The following L1CAM variants were observed in gnomAD, a reference collection of about 807,000 sequenced individuals.
The protein encoded by L1CAM is L1 cell adhesion molecule, also known as neural cell adhesion molecule L1.
Under a neutral mutation model 93.0 loss-of-function variants are expected in L1CAM, and 8 were observed. The ratio of observed to expected loss-of-function variants is 0.09; its 90% CI spans 0.05 to 0.16. The LOEUF is 0.16. L1CAM is among the 10% of genes least tolerant of loss of function. L1CAM has a pLI of 1.00. For synonymous variants in L1CAM, 453 were observed against 453.0 expected (o/e 1.00, Z 0.00); for missense variants, 777 against 1,073.4 (o/e 0.72, Z 3.86).
chrX:153,885,872 C>T, intron 1 of L1CAM, 193 bp downstream of exon 1: 2 of 818,740 alleles, frequency 2.4e-6, no homozygotes, highest in Non-Finnish European at 1.5e-6. Flanking sequence ...GCATCCCTCC[C>T]CCGCCCCGCT....
intron 1 of L1CAM, among the ~76,000 whole-genome samples, chrX:153,881,319 G>T (rs1458003380): frequency 1.2e-4 from 13 of 111,933 alleles, no homozygotes; most frequent in African/African-American, 4.2e-4. Flanking sequence ...TTTAGAGGGC[G>T]TGGTGGCTCC....
Position 153,867,523 on chromosome X carries a change from A to T in L1CAM, c.1970T>A (p.Met657Lys), listed in dbSNP as rs200670743. 4.1e-6 allele frequency: 5 copies of T among 1,211,049 alleles called. No individual in the cohort carries two copies. The highest frequency in any genetic ancestry group is 5.6e-6 in the Non-Finnish European group (5 of 894,708). ...KYDIEFEDKE[M>K]APEKWYSLGK... Reference sequence around the variant, plus strand: ...CAGACTGTACCATTTTTCAGGCGCCATTTCCTTGTCCTCAAATTCAATGTC... The same window carrying T: ...CAGACTGTACCATTTTTCAGGCGCCTTTTCCTTGTCCTCAAATTCAATGTC... Residue 657 changes from methionine (M) to lysine (K), a missense_variant, in exon 17 of 29, where the codon ATG (methionine) becomes AAG (lysine). This residue lies in a region of L1CAM where 574 missense variants were observed against 781.0 expected (regional missense o/e 0.73). Transcript: ENST00000370060.
In L1CAM at chrX:153,869,753, A is replaced by G. The variant is rs201306662; in HGVS notation, c.1123+50T>C. 5.0e-5 allele frequency: 60 copies of G among 1,205,438 alleles called. No individual in the cohort carries two copies. The African/African-American group carries it at 9.4e-4, about 19-fold the overall frequency. Reference sequence around the variant, plus strand: ...TCACCCTCCTCTTCCTCTCCCCCACAGCCCCCAGGGCTCGCCACACTCCCC... The same window carrying G: ...TCACCCTCCTCTTCCTCTCCCCCACGGCCCCCAGGGCTCGCCACACTCCCC... On this transcript the variant is annotated intron_variant, in intron 10 of 28. Transcript: ENST00000370060.
chrX:153,882,473 T>C (rs1294300729), intron 1 of L1CAM, among the ~76,000 whole-genome samples: 1 of 108,879 alleles, frequency 9.2e-6, no homozygotes, highest in Non-Finnish European at 1.9e-5. Flanking sequence ...CACACACACA[T>C]GCAACCAAAT....
intron 28 of L1CAM, 103 bp from the exon 29 acceptor site, chrX:153,862,997 A>G: frequency 1.5e-6 from 1 of 651,599 alleles, no homozygotes; most frequent in Non-Finnish European, 2.3e-6. Context: ...TTTGTTTAGA[A>G]TGCGCTCAGA....
chrX:153,875,692 A>C (rs782336390), intron 2 of L1CAM, 69 bp downstream of exon 2: 1 of 928,495 alleles, frequency 1.1e-6, no homozygotes, highest in Non-Finnish European at 1.6e-6. Context: ...GAAGGTGAGG[A>C]GGTAGAAGAT....
In L1CAM at chrX:153,862,739, T is replaced by C. The variant is rs782638403; in HGVS notation, c.3698A>G (p.Lys1233Arg). ...ATTGCCCCCTGCCGCCTCCTTCTCC[T>C]TCTTGCCACTGTACTGGCCAATGAA... Reference protein sequence around the residue: ...GSFIGQYSGKKEKEAAGGNDS... With the variant: ...GSFIGQYSGKREKEAAGGNDS... Residue 1233 changes from lysine to arginine, a missense_variant, in exon 29 of 29, where the codon AAG becomes AGG. By Grantham distance (26) the Lys-to-Arg change is conservative. Coordinates refer to ENST00000370060, the MANE Select transcript of L1CAM (RefSeq NM_001278116.2). 7 of 1,211,109 alleles carry C rather than the reference T, an allele frequency of 5.8e-6. No homozygotes were observed. The highest frequency in any genetic ancestry group is 7.8e-6 in the Non-Finnish European group (7 of 895,283).
chrX:153,875,807 A>C lies in L1CAM; in HGVS notation c.30T>G (p.Pro10=). The change falls in exon 2 of 29, where the codon CCT becomes CCG. Residue 10 remains proline (P), a synonymous_variant. Transcript: ENST00000370060. Reference sequence around the variant, plus strand: ...GCAGGCAGGGGCTGCAGAGGAGGAGAGGCCACACGTACCGCAGCGCCACGA... The same window carrying C: ...GCAGGCAGGGGCTGCAGAGGAGGAGCGGCCACACGTACCGCAGCGCCACGA... MVVALRYVW[P]LLLCSPCLLI... 3 of 1,209,932 alleles carry C rather than the reference A, an allele frequency of 2.5e-6. No individual in the cohort carries two copies. Among genetic ancestry groups the C allele is most frequent in the Non-Finnish European group, 3.4e-6 (3 of 895,093 alleles).
Position 153,863,912 on chromosome X carries a change from A to C in L1CAM, c.3428T>G (p.Ile1143Ser), listed in dbSNP as rs782745640. 1 of 1,212,246 alleles carries C rather than the reference A, an allele frequency of 8.2e-7. No homozygotes were observed. The highest frequency in any genetic ancestry group is 1.1e-6 in the Non-Finnish European group (1 of 895,561). The change falls in exon 26 of 29, where the codon ATC (isoleucine) becomes AGC (serine). Residue 1143 changes from isoleucine (I) to serine (S), a missense_variant. Physicochemically the swap from Ile to Ser is moderately radical, Grantham distance 142 (BLOSUM62 -2). This residue lies in a region of L1CAM where 110 missense variants were observed against 141.7 expected (regional missense o/e 0.78). Coordinates refer to ENST00000370060, the MANE Select transcript of L1CAM (RefSeq NM_001278116.2). ...GTATTTGCCGCCCTTGCTGCGCTTG[A>C]TGAAGCAGAGGATGAGCAGGACGAG... ...LLLVLLILCF[I>S]KRSKGGKYSV...
intron 19 of L1CAM, 95 bp downstream of exon 19, chrX:153,866,554 G>A: frequency 1.6e-6 from 1 of 607,907 alleles, no homozygotes; most frequent in Non-Finnish European, 2.7e-6. Context: ...CTCATCCTTA[G>A]GAAAGGCGCA....
Position 153,867,926 on chromosome X carries a change from G to T in L1CAM, c.1829-16C>A. On this transcript the variant is annotated splice_polypyrimidine_tract_variant and intron_variant, in intron 15 of 28. Transcript: ENST00000370060. ...CCAGGGCTCCCTGAGGGTGGGGAGGGTCGGTGCTTGAAAGGGCCCAGGGAT... is the reference window on the plus strand; with the variant it reads ...CCAGGGCTCCCTGAGGGTGGGGAGGTTCGGTGCTTGAAAGGGCCCAGGGAT... 1 of 1,209,638 alleles carries T rather than the reference G, an allele frequency of 8.3e-7. No individual in the cohort carries two copies. Among genetic ancestry groups the T allele is most frequent in the Non-Finnish European group, 1.1e-6 (1 of 894,277 alleles).
chrX:153,870,756 G>C, intron 7 of L1CAM, 34 bp downstream of exon 7: 1 of 1,185,329 alleles, frequency 8.4e-7, no homozygotes, highest in Non-Finnish European at 1.1e-6. Flanking sequence ...GGTGAAAGGA[G>C]TCAGGGAGAG....
chrX:153,872,795 C>A, intron 3 of L1CAM, 98 bp from the exon 4 acceptor site: 5 of 694,448 alleles, frequency 7.2e-6, no homozygotes, highest in South Asian at 2.2e-5. Context: ...GGTCCAGAGC[C>A]CCTGGAGGCC....
rs199778412 is a variant in L1CAM, at chrX:153,862,385, C to T, written c.*278G>A. 1 of 335,107 alleles carries T rather than the reference C, an allele frequency of 3.0e-6. No homozygotes were observed. Among genetic ancestry groups the T allele is most frequent in the Non-Finnish European group, 5.2e-6 (1 of 192,216 alleles). 27.6% of individuals were successfully genotyped at this position (335,107 alleles called of 1,213,427 possible). ...CCCTTTCGGGCCACCCCTACTTCTT[C>T]TCCCCCAAACCACAGCCTCTCTGCC... On this transcript the variant is annotated 3_prime_UTR_variant, in exon 29 of 29. Transcript: ENST00000370060.
At chrX:153,869,149 G>C (rs1245521924) in intron 11 of L1CAM, 197 bp from the exon 12 acceptor site, 1 of 459,223 alleles carries the variant, frequency 2.2e-6, no homozygotes, top group Non-Finnish European at 3.8e-6. Flanking sequence ...ATGCGCCTCT[G>C]GTCACAGCCA....
At chrX:153,866,932 C>T in intron 18 of L1CAM, 61 bp from the exon 19 acceptor site, 2 of 1,132,711 alleles carry the variant, frequency 1.8e-6, no homozygotes, top group East Asian at 6.0e-5. Context: ...CTTTGGCCCG[C>T]CCCCCAGCAC....
intron 1 of L1CAM, 30 bp from the exon 2 acceptor site, chrX:153,875,974 T>A (rs181174435): frequency 1.6e-4 from 75 of 465,823 alleles, no homozygotes; most frequent in Non-Finnish European, 2.6e-4. Flanking sequence ...AAGGGAAGGG[T>A]GGGGGAAGAG....
intron 5 of L1CAM, among the ~76,000 whole-genome samples, chrX:153,871,863 C>G (rs1416304152): frequency 4.9e-5 from 5 of 101,438 alleles, no homozygotes; most frequent in Non-Finnish European, 8.1e-5. Flanking sequence ...ACCAGCCCGC[C>G]CCCCCCTCCC....
chrX:153,863,449 G>A lies in L1CAM; in HGVS notation c.3530+28C>T, dbSNP rs782237399. Reference sequence around the variant, plus strand: ...TGTGAAGGCCAGGGTGGAGCTGAGTGCCAGCACCCACTCCTGCCCCGGCTC... The same window carrying A: ...TGTGAAGGCCAGGGTGGAGCTGAGTACCAGCACCCACTCCTGCCCCGGCTC... On this transcript the variant is annotated intron_variant, in intron 27 of 28. Transcript: ENST00000370060. 114 of 1,205,354 alleles carry A rather than the reference G, an allele frequency of 9.5e-5. 1 individual carries two copies. In the South Asian group the frequency reaches 1.9e-3, roughly 21 times the overall value.
Sources: gnomAD v4.1 joint callset for allele counts (sites outside exome capture counted in the v4.1 genomes callset) on GRCh38, gnomAD v4.1.1 for gene constraint, gnomAD v4.1.1 regional missense constraint, MANE v1.5 for transcripts, NCBI Gene and HGNC (gene_info 2026-07-23, HGNC 2026-07-21) for gene names.